Variants in C4orf50 observed in about 807,000 individuals in gnomAD.
C4orf50 encodes chromosome 4 open reading frame 50.
In C4orf50, 80 loss-of-function variants were observed where a neutral mutation model predicts 77.2. The ratio of observed to expected loss-of-function variants is 1.04; its 90% CI spans 0.87 to 1.25. The LOEUF (loss-of-function observed/expected upper bound fraction) is 1.25. C4orf50 is among the 50% of genes most tolerant of loss of function. C4orf50 has a pLI of 0.00. For synonymous variants in C4orf50, 532 were observed against 465.3 expected, an observed-to-expected ratio of 1.14 and a Z score of -1.84; for missense variants, 1,257 against 1,152.9, an observed-to-expected ratio of 1.09 and a Z score of -1.31.
At chr4:5,951,695 CT>C (rs763619970) in intron 7 of C4orf50, among the ~76,000 whole-genome samples, 1 of 152,152 alleles carries the variant, frequency 6.6e-6, no homozygotes. Context: ...AATTTCAAAG[CT>C]GAAGAGAGTC....
At chr4:5,985,686 G>A (rs965174845) in intron 28 of C4orf50, among the ~76,000 whole-genome samples, 1 of 152,158 alleles carries the variant, frequency 6.6e-6, no homozygotes, top group Non-Finnish European at 1.5e-5. Context: ...AAAATAAATT[G>A]TCTGGGCACA....
At chr4:5,939,979 C>T (rs1036593640) in intron 7 of C4orf50, among the ~76,000 whole-genome samples, 12 of 152,248 alleles carry the variant, frequency 7.9e-5, no homozygotes, top group Admixed American at 5.2e-4. Flanking sequence ...AAAACACCCT[C>T]GGATCATGCT....
chr4:5,948,705 G>T (rs1410053886), intron 7 of C4orf50, among the ~76,000 whole-genome samples: 1 of 151,764 alleles, frequency 6.6e-6, no homozygotes, highest in Non-Finnish European at 1.5e-5. Context: ...TGAAGTAGGG[G>T]AATTGCTTGA....
At chr4:6,016,097 C>T (rs931089239) in intron 23 of C4orf50, among the ~76,000 whole-genome samples, 1 of 152,088 alleles carries the variant, frequency 6.6e-6, no homozygotes, top group African/African-American at 2.4e-5. Context: ...TTTTTTGAGT[C>T]TTTCTTAAAT....
chr4:5,935,842 G>A (rs987637687), intron 7 of C4orf50, among the ~76,000 whole-genome samples: 30 of 83,328 alleles, frequency 3.6e-4, no homozygotes, highest in African/African-American at 1.2e-3. Context: ...AAACGCCCAA[G>A]AAAACAATCC....
At chr4:5,990,754 C>T in exon 28 of C4orf50, 1 of 399,118 alleles carries the variant, frequency 2.5e-6, no homozygotes. Context: ...CTCGTCCAAG[C>T]ACTCCTCTGG....
At chr4:5,941,668 C>T (rs1459705843) in intron 7 of C4orf50, among the ~76,000 whole-genome samples, 1 of 152,188 alleles carries the variant, frequency 6.6e-6, no homozygotes, top group Non-Finnish European at 1.5e-5. Context: ...AGTCTAAACT[C>T]AGGCCCAGCA....
At chr4:5,989,931 T>C in exon 28 of C4orf50, 2 of 1,427,544 alleles carry the variant, frequency 1.4e-6, no homozygotes, top group Non-Finnish European at 1.8e-6. Context: ...ACACTTGGTT[T>C]TCCTCCTTGC....
At chr4:5,985,821 T>C (rs190609866) in intron 28 of C4orf50, among the ~76,000 whole-genome samples, 4 of 152,042 alleles carry the variant, frequency 2.6e-5, no homozygotes, top group Non-Finnish European at 5.9e-5. Context: ...ACACAAAAAT[T>C]AGCTGGGCGT....
intron 32 of C4orf50, among the ~76,000 whole-genome samples, chr4:5,966,156 C>T (rs1719551805): frequency 6.6e-6 from 1 of 152,182 alleles, no homozygotes; most frequent in South Asian, 2.1e-4. Context: ...TCTGTCTGGT[C>T]AGATAGGGGC....
chr4:6,004,247 A>G (rs1366913814), intron 25 of C4orf50, among the ~76,000 whole-genome samples: 1 of 53,326 alleles, frequency 1.9e-5, no homozygotes, highest in Admixed American at 2.2e-4. Context: ...GATGATGGTG[A>G]TGATGGTGAT....
Position 6,000,557 on chromosome 4 carries a change from C to A in C4orf50, c.964-6081G>T, listed in dbSNP as rs1209977639. Reference sequence around the variant, plus strand: ...CATGCTGCAGCCTGGGTCCAGCCCCCACTGCAACACCAGGGTCCTCCCCCA... The same window carrying A: ...CATGCTGCAGCCTGGGTCCAGCCCCAACTGCAACACCAGGGTCCTCCCCCA... On this transcript the variant is annotated intron_variant, in intron 25 of 33. Coordinates refer to ENST00000531445, the Ensembl canonical transcript of C4orf50. This position sits in a 1 kb window ranked among gnomAD's most constrained non-coding sequence, Gnocchi z 6.0. Among the ~76,000 whole-genome samples, 3 of 152,122 alleles carry A rather than the reference C, an allele frequency of 2.0e-5. No homozygotes were observed. Among genetic ancestry groups the A allele is most frequent in the Non-Finnish European group, 4.4e-5 (3 of 68,024 alleles).
chr4:5,914,169 A>G (rs936147176), intron 7 of C4orf50, among the ~76,000 whole-genome samples: 3 of 151,532 alleles, frequency 2.0e-5, no homozygotes, highest in African/African-American at 7.3e-5. Flanking sequence ...AATATGAGCC[A>G]GGAGGTTAAC....
At chr4:5,996,278 A>C (rs1233923441) in intron 25 of C4orf50, among the ~76,000 whole-genome samples, 1 of 152,126 alleles carries the variant, frequency 6.6e-6, no homozygotes, top group East Asian at 1.9e-4. Context: ...TGCTGCAGGC[A>C]AAGCCTTCTC....
Position 6,000,004 on chromosome 4 carries a change from T to C in C4orf50, c.964-5528A>G, listed in dbSNP as rs139438883. ...TTGAAGGAGCAGAACACCGGGGGCC[T>C]TGAATGCCGTGGATAGGAGGTTGAA... On this transcript the variant is annotated intron_variant, in intron 25 of 33. Coordinates refer to ENST00000531445, the Ensembl canonical transcript of C4orf50. This position sits in a 1 kb window ranked among gnomAD's most constrained non-coding sequence, Gnocchi z 6.0. 3.3e-5 allele frequency among the ~76,000 whole-genome samples: 5 copies of C among 152,190 alleles called. No homozygotes were observed. The East Asian group carries it at 9.7e-4, about 29-fold the overall frequency.
intron 23 of C4orf50, among the ~76,000 whole-genome samples, 172 bp from the exon 2 acceptor site, chr4:6,012,140 C>T (rs189814568): frequency 6.6e-6 from 1 of 152,296 alleles, no homozygotes; most frequent in East Asian, 1.9e-4. Context: ...TTCTAAAGAT[C>T]ATCTATAGTA....
chr4:5,905,923 C>CGGGGGGGGG lies in C4orf50; in HGVS notation c.*2475-7736_*2475-7735insCCCCCCCCC, dbSNP rs1260014481. 1.0e-5 allele frequency among the ~76,000 whole-genome samples: 1 copy of CGGGGGGGGG among 97,810 alleles called. No individual in the cohort carries two copies. The highest frequency in any genetic ancestry group is 5.5e-5 in the African/African-American group (1 of 18,186). The allele number at this position is 97,810 out of a possible 152,430, so 64.2% of individuals were successfully genotyped here. ...TATGCTAAGCACGGGGGCAGGGGGG[C>CGGGGGGGGG]GGGGGGCAGAGGGACGGATGCCCTG... On this transcript the variant is annotated intron_variant, in intron 7 of 7. Coordinates refer to the C4orf50 transcript ENST00000324058. The surrounding 1 kb of genome is among the most constrained non-coding windows in gnomAD (Gnocchi z 5.4).
intron 7 of C4orf50, among the ~76,000 whole-genome samples, chr4:5,949,252 C>A (rs960976119): frequency 6.6e-6 from 1 of 152,160 alleles, no homozygotes; most frequent in African/African-American, 2.4e-5. Flanking sequence ...GAGAAGGAGG[C>A]AGAAGCTATA....
chr4:5,907,876 A>T (rs1716624279), intron 7 of C4orf50, among the ~76,000 whole-genome samples: 2 of 152,128 alleles, frequency 1.3e-5, no homozygotes, highest in Admixed American at 1.3e-4. Context: ...CAGAAAGCAG[A>T]CCCCTGAGGC....
Sources: gnomAD v4.1 joint callset for allele counts (sites outside exome capture counted in the v4.1 genomes callset) on GRCh38, gnomAD v4.1.1 for gene constraint, Gnocchi (gnomAD v3.1) non-coding constraint, MANE v1.5 for transcripts, NCBI Gene and HGNC (gene_info 2026-07-23, HGNC 2026-07-21) for gene names.